DLC1: variants seen among roughly 807,000 people sequenced by gnomAD.
The protein encoded by DLC1 is rho GTPase-activating protein 7.
Under a neutral mutation model 140.3 loss-of-function variants are expected in DLC1, and 54 were observed. The observed-to-expected ratio is 0.38, with a 90% CI of 0.31 to 0.48. The LOEUF (loss-of-function observed/expected upper bound fraction) is 0.48. Among genes scored for constraint, DLC1 ranks in the 20% least tolerant of loss-of-function variants. DLC1 has a pLI of 0.96. For synonymous variants in DLC1, 986 were observed against 728.1 expected (o/e 1.35, Z -5.70); for missense variants, 2,536 against 1,907.0 (o/e 1.33, Z -6.14).
At chr8:13,589,306 C>T (rs1030893873) in intron 1 of DLC1, among the ~76,000 whole-genome samples, 1 of 151,904 alleles carries the variant, frequency 6.6e-6, no homozygotes, top group Non-Finnish European at 1.5e-5. Flanking sequence ...AAACAAAAAA[C>T]AAAATAAAGT....
At chr8:13,185,531 C>T (rs377733330) in intron 5 of DLC1, among the ~76,000 whole-genome samples, 23 of 151,946 alleles carry the variant, frequency 1.5e-4, no homozygotes, top group African/African-American at 5.1e-4. Flanking sequence ...ATGATCTCGA[C>T]CTCCTGACCT....
chr8:13,567,313 C>G, intron 1 of DLC1: 1 of 1,551,726 alleles, frequency 6.4e-7, no homozygotes, highest in Admixed American at 2.0e-5. Flanking sequence ...CACCAAACTT[C>G]CAACAGAAAT....
intron 2 of DLC1, among the ~76,000 whole-genome samples, chr8:13,494,314 A>G (rs549194748): frequency 6.6e-6 from 1 of 152,352 alleles, no homozygotes; most frequent in South Asian, 2.1e-4. Flanking sequence ...TAGCAAACAT[A>G]TGCTTGTCCA....
intron 5 of DLC1, among the ~76,000 whole-genome samples, chr8:13,196,129 CGT>C (rs1827040518): frequency 6.7e-6 from 1 of 149,902 alleles, no homozygotes. Context: ...CACACACACA[CGT>C]GAACTCGAAG....
At chr8:13,086,063 A>G in intron 17 of DLC1, 132 bp from the exon 18 acceptor site, 1 of 1,426,270 alleles carries the variant, frequency 7.0e-7, no homozygotes, top group Non-Finnish European at 9.3e-7. Flanking sequence ...TTCATGGCCG[A>G]GCTACCATAT....
At chr8:13,455,230 C>G (rs1198663630) in intron 2 of DLC1, among the ~76,000 whole-genome samples, 1 of 152,134 alleles carries the variant, frequency 6.6e-6, no homozygotes, top group Non-Finnish European at 1.5e-5. Flanking sequence ...ATCATTTAAG[C>G]AGACTCTTAC....
Position 13,146,549 on chromosome 8 carries a change from A to G in DLC1, c.1349-30892T>C, listed in dbSNP as rs1823454150. On this transcript the variant is annotated intron_variant, in intron 5 of 17. Coordinates refer to ENST00000276297, the MANE Select transcript of DLC1 (RefSeq NM_182643.3). ...CCAAATAATATTAATATTATTAATA[A>G]TAATAGTAGTCATAGTAATTTGATC... is the stretch of plus-strand genomic sequence containing the variant. Among the ~76,000 whole-genome samples, 4 of 151,812 alleles carry G rather than the reference A, an allele frequency of 2.6e-5. No individual in the cohort carries two copies. The South Asian group carries it at 8.3e-4, about 31-fold the overall frequency.
At chr8:13,278,450 C>T (rs150847341) in intron 5 of DLC1, among the ~76,000 whole-genome samples, 38 of 152,176 alleles carry the variant, frequency 2.5e-4, no homozygotes, top group African/African-American at 8.2e-4. Context: ...TTTAGGCCTG[C>T]GGAACTTTAG....
intron 4 of DLC1, among the ~76,000 whole-genome samples, chr8:13,389,967 A>G (rs1021619042): frequency 2.0e-5 from 3 of 152,134 alleles, no homozygotes; most frequent in African/African-American, 7.2e-5. Context: ...GTTCATGGTA[A>G]AAAGAACAGC....
chr8:13,090,383 T>C lies in DLC1; in HGVS notation c.3943A>G (p.Asn1315Asp). The change falls in exon 15 of 18, where the codon AAT (asparagine) becomes GAT (aspartate). Residue 1315 changes from asparagine to aspartate, a missense_variant. Asn to Asp is a conservative substitution (Grantham distance 23). Coordinates refer to ENST00000276297, the MANE Select transcript of DLC1 (RefSeq NM_182643.3). ...LTLEALGHLG[N>D]DDSADYQHFL... The stretch of plus-strand genomic sequence containing the variant: ...TGTTGGTAGTCAGCTGAGTCATCAT[T>C]ACCCAGGTGCCCGAGTGCTTCCAGA... The C allele has an allele frequency of 1.9e-6, 3 of 1,614,202 alleles. No homozygotes were observed. The highest frequency in any genetic ancestry group is 2.5e-6 in the Non-Finnish European group (3 of 1,180,044).
At chr8:13,474,724 G>A (rs979436240) in intron 2 of DLC1, among the ~76,000 whole-genome samples, 6 of 152,168 alleles carry the variant, frequency 3.9e-5, no homozygotes, top group African/African-American at 1.4e-4. Flanking sequence ...AAAGAAGATC[G>A]CTTTGGAGTT....
chr8:13,564,978 T>C (rs574707151), intron 1 of DLC1, among the ~76,000 whole-genome samples: 2 of 152,286 alleles, frequency 1.3e-5, no homozygotes, highest in African/African-American at 4.8e-5. Flanking sequence ...CCCTGAGAGA[T>C]GGCAAGAAGA....
chr8:13,403,093 G>C (rs112620258), intron 2 of DLC1, among the ~76,000 whole-genome samples: 179 of 152,314 alleles, frequency 1.2e-3, no homozygotes, highest in African/African-American at 4.1e-3. Flanking sequence ...CACAAAGACA[G>C]ATTAATTTTG....
intron 5 of DLC1, among the ~76,000 whole-genome samples, chr8:13,241,810 A>G (rs1422681818): frequency 6.6e-6 from 1 of 152,108 alleles, no homozygotes; most frequent in East Asian, 1.9e-4. Flanking sequence ...TCAGGGGCCA[A>G]TTAGCCAGTT....
intron 2 of DLC1, among the ~76,000 whole-genome samples, chr8:13,442,932 T>C (rs926402252): frequency 1.3e-5 from 2 of 152,138 alleles, no homozygotes; most frequent in Non-Finnish European, 2.9e-5. Flanking sequence ...GTATTCACAA[T>C]AGCAAAGACT....
intron 7 of DLC1, 96 bp from the exon 8 acceptor site, chr8:13,102,949 T>G: frequency 9.2e-7 from 1 of 1,087,010 alleles, no homozygotes; most frequent in East Asian, 2.4e-5. Context: ...ATTTAAGGAG[T>G]TTCTTGAAAC....
intron 2 of DLC1, among the ~76,000 whole-genome samples, chr8:13,408,547 A>T (rs1837661740): frequency 6.6e-6 from 1 of 152,166 alleles, no homozygotes; most frequent in Non-Finnish European, 1.5e-5. Context: ...TCGTCCTGAG[A>T]AGTGTTCAGA....
intron 2 of DLC1, among the ~76,000 whole-genome samples, chr8:13,405,317 CT>C (rs1421285706): frequency 6.6e-6 from 1 of 151,516 alleles, no homozygotes; most frequent in Non-Finnish European, 1.5e-5. Flanking sequence ...CTCTGTGGTC[CT>C]CAGTGACTAT....
intron 5 of DLC1, among the ~76,000 whole-genome samples, chr8:13,261,773 C>T (rs1314279325): frequency 6.6e-6 from 1 of 152,124 alleles, no homozygotes; most frequent in South Asian, 2.1e-4. Context: ...ATGAAAAAGA[C>T]AAGTTTTGTT....
Sources: allele counts gnomAD v4.1 joint callset (sites outside exome capture counted in the v4.1 genomes callset), GRCh38; gene constraint gnomAD v4.1.1; transcripts MANE v1.5; gene names NCBI Gene and HGNC (gene_info 2026-07-23, HGNC 2026-07-21).